SPATA31H1: variants seen among roughly 807,000 people sequenced by gnomAD.
The protein encoded by SPATA31H1 is spermatogenesis-associated protein 31H1.
the SPATA31H1 span, among the ~76,000 whole-genome samples, chr2:27,561,486 ATCT>A: frequency 9.8e-5 from 15 of 152,306 alleles, no homozygotes; most frequent in Middle Eastern, 3.4e-3. Flanking sequence ...AACATTTAAA[ATCT>A]TCTTTTTCAG....
chr2:27,547,324 C>G, the SPATA31H1 span, among the ~76,000 whole-genome samples: 1 of 151,830 alleles, frequency 6.6e-6, no homozygotes, highest in Admixed American at 6.6e-5. Context: ...CAGGTGCACA[C>G]CACCATGCCC....
the SPATA31H1 span, among the ~76,000 whole-genome samples, chr2:27,562,734 A>C: frequency 6.6e-6 from 1 of 151,798 alleles, no homozygotes; most frequent in Non-Finnish European, 1.5e-5. Flanking sequence ...TAAAAATATA[A>C]AAATTAGCTG....
the SPATA31H1 span, chr2:27,578,836 A>C: frequency 6.2e-7 from 1 of 1,614,064 alleles, no homozygotes; most frequent in African/African-American, 1.3e-5. Context: ...GGACTTTGGG[A>C]TTCTGGGATA....
chr2:27,582,620 T>G, the SPATA31H1 span: 3 of 1,302,848 alleles, frequency 2.3e-6, no homozygotes, highest in Non-Finnish European at 2.1e-6. Context: ...CTCCAATTCC[T>G]GCGCCCCCAG....
At chr2:27,537,483 ATTGT>A in the SPATA31H1 span, 1 of 717,338 alleles carries the variant, frequency 1.4e-6, no homozygotes, top group Non-Finnish European at 2.6e-6. Flanking sequence ...GCCTTCTATT[ATTGT>A]TTGTTTTTTT....
chr2:27,543,934 G>A, the SPATA31H1 span, among the ~76,000 whole-genome samples: 1 of 151,864 alleles, frequency 6.6e-6, no homozygotes, highest in African/African-American at 2.4e-5. Flanking sequence ...TAGACTTATT[G>A]ACGGTTGTTT....
chr2:27,581,371 G>A, the SPATA31H1 span: 1 of 1,613,776 alleles, frequency 6.2e-7, no homozygotes, highest in Non-Finnish European at 8.5e-7. Flanking sequence ...AACCATTCCA[G>A]TCCTTCTGAG....
the SPATA31H1 span, chr2:27,568,183 C>T: frequency 2.5e-6 from 1 of 398,962 alleles, no homozygotes; most frequent in Non-Finnish European, 4.4e-6. Flanking sequence ...GTGGGAATGA[C>T]TCCAACACCA....
At chr2:27,576,825 C>A in the SPATA31H1 span, 1 of 1,614,110 alleles carries the variant, frequency 6.2e-7, no homozygotes, top group African/African-American at 1.3e-5. Context: ...AGTGTCTCTG[C>A]AGCAAACTAT....
the SPATA31H1 span, among the ~76,000 whole-genome samples, chr2:27,562,761 C>T: frequency 1.3e-5 from 2 of 151,446 alleles, no homozygotes; most frequent in African/African-American, 4.9e-5. Flanking sequence ...GTGGTGCGCA[C>T]ATGTAGTCCC....
the SPATA31H1 span, chr2:27,579,104 A>C: frequency 1.2e-6 from 2 of 1,614,056 alleles, no homozygotes; most frequent in Admixed American, 1.7e-5. Context: ...ATCTACCACA[A>C]AGCTGGAGAT....
chr2:27,575,124 T>C, the SPATA31H1 span: 5 of 398,446 alleles, frequency 1.3e-5, no homozygotes, highest in Admixed American at 1.8e-4. The surrounding 1 kb of genome is among the most constrained non-coding windows in gnomAD (Gnocchi z 4.1). Context: ...TGGGGCAAAG[T>C]TGGAAGATAT....
the SPATA31H1 span, chr2:27,577,195 A>T: frequency 6.2e-7 from 1 of 1,614,024 alleles, no homozygotes; most frequent in Non-Finnish European, 8.5e-7. The surrounding 1 kb of genome is among the most constrained non-coding windows in gnomAD (Gnocchi z 4.5). Flanking sequence ...AAATTTGTTG[A>T]TCTGACTCCA....
the SPATA31H1 span, chr2:27,569,515 C>A: frequency 5.0e-6 from 2 of 398,864 alleles, no homozygotes; most frequent in South Asian, 2.6e-4. Context: ...ACCAGTGAGT[C>A]ATCTCCATTA....
the SPATA31H1 span, among the ~76,000 whole-genome samples, chr2:27,554,268 C>A: frequency 6.6e-6 from 1 of 151,938 alleles, no homozygotes; most frequent in Non-Finnish European, 1.5e-5. Context: ...TTCTAGCATG[C>A]GCCTCAAAAC....
At chr2:27,581,224 G>A in the SPATA31H1 span, 17 of 1,614,166 alleles carry the variant, frequency 1.1e-5, no homozygotes, top group South Asian at 2.2e-5. Flanking sequence ...AGAACCCCAC[G>A]CGGTCCTTCT....
chr2:27,578,930 G>C, the SPATA31H1 span: 2 of 1,614,040 alleles, frequency 1.2e-6, no homozygotes, highest in Non-Finnish European at 1.7e-6. Context: ...ACCCTACTAT[G>C]ATACAATCTT....
the SPATA31H1 span, among the ~76,000 whole-genome samples, chr2:27,538,740 G>C: frequency 2.6e-5 from 4 of 152,092 alleles, no homozygotes; most frequent in East Asian, 3.9e-4. Flanking sequence ...CTGAAGCAGG[G>C]GAAACACTTG....
chr2:27,554,174 A>G, the SPATA31H1 span, among the ~76,000 whole-genome samples: 1 of 152,004 alleles, frequency 6.6e-6, no homozygotes, highest in Non-Finnish European at 1.5e-5. Context: ...AGAAGATGGA[A>G]GCTTTCTCTA....
Sources: allele counts gnomAD v4.1 joint callset (sites outside exome capture counted in the v4.1 genomes callset), GRCh38; gene constraint gnomAD v4.1.1; non-coding constraint Gnocchi (gnomAD v3.1); transcripts MANE v1.5; gene names NCBI Gene and HGNC (gene_info 2026-07-23, HGNC 2026-07-21).